The following PUM1 variants were observed in gnomAD, a reference collection of about 807,000 sequenced individuals.
PUM1 encodes pumilio RNA binding family member 1, also known as pumilio homolog 1.
PUM1 carries 13 observed loss-of-function variants against 131.8 expected under a neutral mutation model. That is an observed-to-expected ratio of 0.10 (90% confidence interval 0.06 to 0.16). PUM1 has a LOEUF of 0.16. Ranked by LOEUF, PUM1 falls within the 10% of genes least tolerant of loss-of-function variation. The pLI, the probability that PUM1 is intolerant of heterozygous loss-of-function variation, is 1.00. For missense variants in PUM1, 961 were observed against 1,512.4 expected (o/e 0.64, Z 6.05); for synonymous variants, 509 against 556.5 (o/e 0.91, Z 1.20).
chr1:30,950,033 A>G (rs1639862417), intron 17 of PUM1, 94 bp downstream of exon 17: 4 of 1,426,786 alleles, frequency 2.8e-6, no homozygotes, highest in Non-Finnish European at 3.8e-6. Flanking sequence ...CAAAACCATA[A>G]AAGAAAACTG....
rs979201789 is a variant in PUM1, at chr1:31,041,611, T to C, written c.364-12747A>G. On this transcript the variant is annotated intron_variant, in intron 2 of 21. Coordinates refer to ENST00000426105, the MANE Select transcript of PUM1 (RefSeq NM_001020658.2). Reference sequence around the variant, plus strand: ...AATGAGTGAGTTCTCACTCTATTAATTCACACAAGAGCTGGCTGTTTAAAA... The same window carrying C: ...AATGAGTGAGTTCTCACTCTATTAACTCACACAAGAGCTGGCTGTTTAAAA... 2.0e-5 allele frequency among the ~76,000 whole-genome samples: 3 copies of C among 152,192 alleles called. No individual in the cohort carries two copies. In the East Asian group the frequency reaches 5.9e-4, roughly 30 times the overall value.
chr1:30,963,329 T>C (rs928568633), intron 14 of PUM1, among the ~76,000 whole-genome samples: 7 of 152,196 alleles, frequency 4.6e-5, no homozygotes, highest in African/African-American at 1.7e-4. Flanking sequence ...TGTTGTGCAA[T>C]GTACCCCATC....
rs1290480742 is a variant in PUM1, at chr1:30,931,632, G to A, written c.*1579C>T. The stretch of plus-strand genomic sequence containing the variant: ...ACAGGTTTGTTAATTATACACATAT[G>A]GTTACAAGTGTGCTTGCAAAAAAGT... On this transcript the variant is annotated 3_prime_UTR_variant, in exon 22 of 22. Transcript: ENST00000426105. 6.6e-6 allele frequency: 1 copy of A among 152,590 alleles called. No homozygotes were observed. Among genetic ancestry groups the A allele is most frequent in the East Asian group, 1.9e-4 (1 of 5,200 alleles). The allele number at this position is 152,590 out of a possible 1,614,324, so 9.5% of individuals were successfully genotyped here. A position where few individuals can be genotyped will look rare whatever the true frequency, so the allele number is the denominator to read the frequency against.
At chr1:31,004,021 C>CA (rs1402484951) in intron 5 of PUM1, among the ~76,000 whole-genome samples, 3 of 152,170 alleles carry the variant, frequency 2.0e-5, no homozygotes, top group African/African-American at 7.2e-5. Context: ...ACCTCAGCAG[C>CA]TCAGTAAATT....
At chr1:30,949,299 G>A (rs922531753) in intron 17 of PUM1, 3 of 342,418 alleles carry the variant, frequency 8.8e-6, no homozygotes, top group African/African-American at 4.9e-5. Context: ...TGGAGGCACT[G>A]CCCAGCACAA....
intron 5 of PUM1, among the ~76,000 whole-genome samples, chr1:30,997,894 T>C (rs1642041467): frequency 6.7e-6 from 1 of 149,700 alleles, no homozygotes; most frequent in Non-Finnish European, 1.5e-5. Context: ...GACTGCTAAG[T>C]TACACTTTCA....
intron 3 of PUM1, among the ~76,000 whole-genome samples, chr1:31,025,271 G>GA (rs745884058): frequency 2.0e-5 from 3 of 151,822 alleles, no homozygotes; most frequent in Admixed American, 6.6e-5. Flanking sequence ...TGGCTTTGAA[G>GA]AAAAAAACGT....
At chr1:31,038,984 A>ATATATATATATTTT in intron 2 of PUM1, among the ~76,000 whole-genome samples, 41 of 49,402 alleles carry the variant, frequency 8.3e-4, no homozygotes, top group South Asian at 1.6e-3. Flanking sequence ...ATATATATAT[A>ATATATATATATTTT]TTTTTTTTTT....
chr1:31,037,663 C>T (rs1643657120), intron 2 of PUM1, among the ~76,000 whole-genome samples: 1 of 151,856 alleles, frequency 6.6e-6, no homozygotes, highest in Non-Finnish European at 1.5e-5. Context: ...GCCAAGATTG[C>T]ACCACTGCAC....
At chr1:30,948,750 CAA>C (rs1639792490) in intron 17 of PUM1, among the ~76,000 whole-genome samples, 1 of 151,484 alleles carries the variant, frequency 6.6e-6, no homozygotes, top group Admixed American at 6.6e-5. Context: ...ACCTTGTCTC[CAA>C]AAAGAAAGAA....
intron 1 of PUM1, among the ~76,000 whole-genome samples, chr1:31,064,626 G>A (rs1644440159): frequency 6.6e-6 from 1 of 151,904 alleles, no homozygotes; most frequent in African/African-American, 2.4e-5. Flanking sequence ...AGTAATAACA[G>A]GAATTGAGCA....
intron 14 of PUM1, among the ~76,000 whole-genome samples, chr1:30,959,902 A>C (rs981007077): frequency 6.6e-6 from 1 of 150,922 alleles, no homozygotes; most frequent in Non-Finnish European, 1.5e-5. Context: ...CCAAGACTCC[A>C]GCTCAAAAAA....
chr1:31,050,471 C>CAA (rs57470185), intron 2 of PUM1, among the ~76,000 whole-genome samples: 1 of 151,366 alleles, frequency 6.6e-6, no homozygotes, highest in Non-Finnish European at 1.5e-5. Flanking sequence ...GACTCTGTCT[C>CAA]AAAAAAAAGA....
chr1:30,993,583 T>G (rs1360757869), intron 6 of PUM1, among the ~76,000 whole-genome samples: 2 of 152,038 alleles, frequency 1.3e-5, no homozygotes, highest in Non-Finnish European at 2.9e-5. Flanking sequence ...CTGGTACATA[T>G]TAAAGGTATT....
rs931848468 is a variant in PUM1 at position 30,966,147 on chromosome 1, C to T, written c.1921G>A (p.Ala641Thr). 1 of 1,614,072 alleles carries T rather than the reference C, an allele frequency of 6.2e-7. No homozygotes were observed. Residue 641 changes from alanine to threonine, a missense_variant, in exon 13 of 22, where the codon GCA (alanine) becomes ACA (threonine). Coordinates refer to ENST00000426105, the MANE Select transcript of PUM1 (RefSeq NM_001020658.2). ...QPQQQPNNNLASSSFYGNNSL... is the reference protein window; with the variant it reads ...QPQQQPNNNLTSSSFYGNNSL... ...TTGTTGCCGTAGAAAGAACTGGATG[C>T]CAGGTTGTTATTGGGCTGCTGCTGG...
chr1:30,994,098 T>C (rs1641900501), intron 6 of PUM1, among the ~76,000 whole-genome samples: 1 of 152,068 alleles, frequency 6.6e-6, no homozygotes, highest in African/African-American at 2.4e-5. Flanking sequence ...AAATAATTTT[T>C]AAAAAGTTTA....
At chr1:30,957,674 T>C (rs756358962) in intron 14 of PUM1, among the ~76,000 whole-genome samples, 7 of 152,244 alleles carry the variant, frequency 4.6e-5, no homozygotes, top group Non-Finnish European at 1.0e-4. Flanking sequence ...AGTGGTCATG[T>C]AGTATGTCAT....
At chr1:31,033,722 C>T (rs1275173778) in intron 2 of PUM1, among the ~76,000 whole-genome samples, 1 of 151,876 alleles carries the variant, frequency 6.6e-6, no homozygotes, top group East Asian at 1.9e-4. Context: ...AATGCAGTGG[C>T]GCAATCACAG....
chr1:31,032,677 T>C (rs1272545000), intron 2 of PUM1, among the ~76,000 whole-genome samples: 2 of 152,182 alleles, frequency 1.3e-5, no homozygotes, highest in Non-Finnish European at 2.9e-5. Context: ...TCTTTTGGCA[T>C]GTGCCTGTAG....
Sources: gnomAD v4.1 joint callset for allele counts (sites outside exome capture counted in the v4.1 genomes callset) on GRCh38, gnomAD v4.1.1 for gene constraint, MANE v1.5 for transcripts, NCBI Gene and HGNC (gene_info 2026-07-23, HGNC 2026-07-21) for gene names.